The following PTPRK variants were observed in gnomAD, a reference collection of about 807,000 sequenced individuals.
The protein encoded by PTPRK is protein tyrosine phosphatase receptor type K, also known as receptor-type tyrosine-protein phosphatase kappa.
A neutral mutation model predicts 178.0 loss-of-function variants in PTPRK; 75 were observed. The observed-to-expected ratio is 0.42, with a 90% CI of 0.35 to 0.51. The LOEUF is 0.51. Ranked by LOEUF, PTPRK falls within the 20% of genes least tolerant of loss-of-function variation. The pLI is 0.02. For synonymous variants in PTPRK, 637 were observed against 620.6 expected (o/e 1.03, Z -0.39); for missense variants, 1,441 against 1,797.8 (o/e 0.80, Z 3.59).
chr6:128,281,816 T>C (rs1055623134), intron 3 of PTPRK, among the ~76,000 whole-genome samples: 1 of 152,172 alleles, frequency 6.6e-6, no homozygotes, highest in Non-Finnish European at 1.5e-5. Context: ...CATATACTTA[T>C]ACACAAACTC....
chr6:128,201,488 A>G (rs977729500), intron 6 of PTPRK, among the ~76,000 whole-genome samples: 2 of 152,186 alleles, frequency 1.3e-5, no homozygotes, highest in African/African-American at 2.4e-5. Context: ...GTAGTCCTAA[A>G]TAGTTTCAAA....
intron 3 of PTPRK, among the ~76,000 whole-genome samples, chr6:128,314,840 TAA>T (rs1187331995): frequency 1.6e-4 from 23 of 139,802 alleles, no homozygotes; most frequent in Admixed American, 3.6e-4. Flanking sequence ...CACCACTATT[TAA>T]AAAAAAAAAA....
intron 13 of PTPRK, among the ~76,000 whole-genome samples, chr6:128,051,467 C>T (rs1778986091): frequency 1.3e-5 from 2 of 152,182 alleles, no homozygotes; most frequent in South Asian, 4.1e-4. Context: ...CCATAGACAT[C>T]CCAGTTTGCA....
intron 1 of PTPRK, among the ~76,000 whole-genome samples, chr6:128,419,666 G>T (rs1405340521): frequency 6.6e-6 from 1 of 151,832 alleles, no homozygotes; most frequent in Non-Finnish European, 1.5e-5. Flanking sequence ...AAATTCAATA[G>T]GAAACCAATC....
intron 3 of PTPRK, among the ~76,000 whole-genome samples, chr6:128,297,942 T>G (rs1351021494): frequency 1.3e-5 from 2 of 152,042 alleles, no homozygotes; most frequent in Non-Finnish European, 2.9e-5. Context: ...CAGGAGCTGG[T>G]TTTTTGAAAG....
intron 3 of PTPRK, among the ~76,000 whole-genome samples, chr6:128,249,890 C>T (rs1214755074): frequency 6.6e-6 from 1 of 152,162 alleles, no homozygotes; most frequent in African/African-American, 2.4e-5. Context: ...GGTTTGGCTG[C>T]GCCCCCACCC....
At chr6:128,036,817 T>C (rs1776307352) in intron 13 of PTPRK, among the ~76,000 whole-genome samples, 1 of 152,040 alleles carries the variant, frequency 6.6e-6, no homozygotes, top group East Asian at 1.9e-4. Context: ...CTGCAACCTC[T>C]GCCTCCCGGG....
intron 7 of PTPRK, among the ~76,000 whole-genome samples, chr6:128,142,919 T>C (rs1195037265): frequency 6.6e-6 from 1 of 152,130 alleles, no homozygotes; most frequent in Non-Finnish European, 1.5e-5. Flanking sequence ...ACATTGTTTC[T>C]TCACATAATT....
intron 3 of PTPRK, among the ~76,000 whole-genome samples, chr6:128,270,323 C>T (rs1248551137): frequency 6.6e-6 from 1 of 152,052 alleles, no homozygotes; most frequent in Non-Finnish European, 1.5e-5. Context: ...TAGAAAGTAT[C>T]TAAAATGGAT....
At chr6:128,312,312 T>C (rs1206903752) in intron 3 of PTPRK, among the ~76,000 whole-genome samples, 2 of 152,204 alleles carry the variant, frequency 1.3e-5, no homozygotes, top group East Asian at 3.9e-4. Context: ...GTGTTATGGC[T>C]GGCTTTGAAG....
intron 1 of PTPRK, among the ~76,000 whole-genome samples, chr6:128,437,851 G>C (rs1345157962): frequency 6.6e-6 from 1 of 152,156 alleles, no homozygotes; most frequent in Non-Finnish European, 1.5e-5. Context: ...TCCCACCTTC[G>C]GCCAGAAGCT....
At chr6:128,503,342 T>G (rs184122824) in intron 1 of PTPRK, among the ~76,000 whole-genome samples, 186 of 152,326 alleles carry the variant, frequency 1.2e-3, no homozygotes, top group African/African-American at 4.3e-3. Context: ...TCATAAGGAT[T>G]TTGCCAATTG....
chr6:128,042,966 T>G (rs1777447190), intron 13 of PTPRK, among the ~76,000 whole-genome samples: 1 of 152,046 alleles, frequency 6.6e-6, no homozygotes. Context: ...ACATGGGCAG[T>G]AGTTATTTCC....
chr6:128,359,860 A>G (rs886526330), intron 2 of PTPRK, among the ~76,000 whole-genome samples: 73 of 152,348 alleles, frequency 4.8e-4, no homozygotes, highest in African/African-American at 1.7e-3. Flanking sequence ...AGAATTAGCC[A>G]TAGAGTGCAT....
At chr6:128,198,493 G>T (rs1271012415) in intron 6 of PTPRK, among the ~76,000 whole-genome samples, 1 of 152,114 alleles carries the variant, frequency 6.6e-6, no homozygotes. Context: ...GGCTAGGGGA[G>T]GGATAGCATT....
At chr6:128,363,899 C>A (rs144246659) in intron 2 of PTPRK, among the ~76,000 whole-genome samples, 118 of 152,248 alleles carry the variant, frequency 7.8e-4, no homozygotes, top group African/African-American at 2.8e-3. Context: ...ACAGAAGACG[C>A]CCTTCCAAAT....
At chr6:128,270,571 C>G (rs1819648134) in intron 3 of PTPRK, among the ~76,000 whole-genome samples, 1 of 152,218 alleles carries the variant, frequency 6.6e-6, no homozygotes, top group South Asian at 2.1e-4. Context: ...TAAGCATATT[C>G]CATTAAAACT....
chr6:128,303,098 C>T (rs1340173794), intron 3 of PTPRK, among the ~76,000 whole-genome samples: 1 of 152,122 alleles, frequency 6.6e-6, no homozygotes, highest in East Asian at 1.9e-4. Context: ...ACTCACATGC[C>T]AATAACCTTC....
chr6:128,431,745 A>G (rs1207224638), intron 1 of PTPRK, among the ~76,000 whole-genome samples: 1 of 152,252 alleles, frequency 6.6e-6, no homozygotes, highest in Non-Finnish European at 1.5e-5. Context: ...ATCCAACGCA[A>G]TAAAAGCTCA....
Sources: gnomAD v4.1 joint callset for allele counts (sites outside exome capture counted in the v4.1 genomes callset) on GRCh38, gnomAD v4.1.1 for gene constraint, MANE v1.5 for transcripts, NCBI Gene and HGNC (gene_info 2026-07-23, HGNC 2026-07-21) for gene names.